MEIS2: variants seen among roughly 807,000 people sequenced by gnomAD.
MEIS2 encodes homeobox protein Meis2.
MEIS2 carries 9 observed loss-of-function variants against 58.6 expected under a neutral mutation model. The ratio of observed to expected loss-of-function variants is 0.15; its 90% CI spans 0.09 to 0.27. The LOEUF (loss-of-function observed/expected upper bound fraction) is 0.27. Among genes scored for constraint, MEIS2 ranks in the 10% least tolerant of loss-of-function variants. MEIS2 has a pLI of 1.00. For missense variants in MEIS2, 427 were observed against 635.0 expected (o/e 0.67, Z 3.52); for synonymous variants, 221 against 228.4 (o/e 0.97, Z 0.29).
intron 6 of MEIS2, among the ~76,000 whole-genome samples, chr15:37,085,924 GA>G (rs1008964413): frequency 1.3e-5 from 2 of 151,952 alleles, no homozygotes; most frequent in Non-Finnish European, 2.9e-5. Context: ...ATGAGATAAA[GA>G]GCTAGAAGAA....
intron 9 of MEIS2, among the ~76,000 whole-genome samples, chr15:36,931,222 T>C (rs1011660203): frequency 2.6e-5 from 4 of 152,128 alleles, no homozygotes; most frequent in African/African-American, 7.2e-5. Context: ...AAAAAGCCTA[T>C]AGCAGCAAAC....
chr15:36,999,545 T>C (rs1370934053), intron 8 of MEIS2, among the ~76,000 whole-genome samples: 1 of 152,156 alleles, frequency 6.6e-6, no homozygotes, highest in African/African-American at 2.4e-5. Flanking sequence ...CTCCAGCCTA[T>C]GGTAGCAACT....
intron 9 of MEIS2, among the ~76,000 whole-genome samples, chr15:36,945,288 G>T (rs2141373773): frequency 6.6e-6 from 1 of 152,118 alleles, no homozygotes; most frequent in African/African-American, 2.4e-5. Flanking sequence ...CTGGGCTGAT[G>T]GATCCAGGAG....
chr15:37,002,117 G>A (rs2060749626), intron 8 of MEIS2, among the ~76,000 whole-genome samples: 1 of 152,090 alleles, frequency 6.6e-6, no homozygotes, highest in Non-Finnish European at 1.5e-5. Flanking sequence ...TAACCAATGT[G>A]GTCTCTAGTC....
intron 9 of MEIS2, among the ~76,000 whole-genome samples, chr15:36,914,457 T>G (rs2057180841): frequency 6.6e-6 from 1 of 152,220 alleles, no homozygotes; most frequent in South Asian, 2.1e-4. Flanking sequence ...AGTTGGGTAG[T>G]TTTTGCATTT....
chr15:36,980,191 T>A (rs184597528), intron 8 of MEIS2, among the ~76,000 whole-genome samples: 3 of 152,162 alleles, frequency 2.0e-5, no homozygotes, highest in Admixed American at 2.0e-4. Context: ...TCCCCTCAGT[T>A]TGTCATTTTT....
chr15:37,092,692 T>C (rs1370947797), intron 6 of MEIS2, among the ~76,000 whole-genome samples: 1 of 116,432 alleles, frequency 8.6e-6, no homozygotes, highest in Non-Finnish European at 1.7e-5. Context: ...TCTCACTACA[T>C]ATGCTTTTTT....
At chr15:36,908,913 T>TG (rs1326326629) in intron 9 of MEIS2, among the ~76,000 whole-genome samples, 2 of 152,120 alleles carry the variant, frequency 1.3e-5, no homozygotes, top group Non-Finnish European at 1.5e-5. Flanking sequence ...CACTCCAGCC[T>TG]GGGCAACAAG....
At chr15:37,022,187 T>A (rs933629245) in intron 8 of MEIS2, among the ~76,000 whole-genome samples, 1 of 152,190 alleles carries the variant, frequency 6.6e-6, no homozygotes, top group African/African-American at 2.4e-5. Context: ...TTAACACATA[T>A]TACTAGTTTA....
intron 6 of MEIS2, among the ~76,000 whole-genome samples, chr15:37,085,780 C>T (rs976763970): frequency 1.3e-5 from 2 of 152,088 alleles, no homozygotes; most frequent in African/African-American, 4.8e-5. Flanking sequence ...TGTAGAAAGA[C>T]AAAGTCATGC....
intron 7 of MEIS2, among the ~76,000 whole-genome samples, chr15:37,048,721 C>T (rs193247204): frequency 5.4e-4 from 82 of 151,896 alleles, no homozygotes; most frequent in Non-Finnish European, 1.1e-3. Flanking sequence ...AAAAGATAGC[C>T]GTCTCTATAA....
intron 7 of MEIS2, among the ~76,000 whole-genome samples, chr15:37,062,243 G>C (rs771376707): frequency 2.0e-5 from 3 of 152,132 alleles, no homozygotes; most frequent in Non-Finnish European, 4.4e-5. Flanking sequence ...TGATGCCCTT[G>C]GCATAATTTC....
intron 8 of MEIS2, among the ~76,000 whole-genome samples, chr15:36,972,081 T>C (rs2059590029): frequency 6.6e-6 from 1 of 152,184 alleles, no homozygotes; most frequent in Non-Finnish European, 1.5e-5. Context: ...TAAAACTAAC[T>C]TTATTGAAGA....
intron 8 of MEIS2, among the ~76,000 whole-genome samples, chr15:37,024,059 A>G (rs112824114): frequency 0.038 from 5,693 of 151,434 alleles, 372 homozygotes; most frequent in African/African-American, 0.13. Context: ...ATAGGCACCC[A>G]GCTAATTTTT....
chr15:36,982,869 G>GTGGT (rs2059973183), intron 8 of MEIS2, among the ~76,000 whole-genome samples: 2 of 152,058 alleles, frequency 1.3e-5, no homozygotes, highest in South Asian at 4.1e-4. Context: ...GTATCTCATT[G>GTGGT]TGGTTTTGAT....
intron 2 of MEIS2, among the ~76,000 whole-genome samples, 186 bp downstream of exon 2, chr15:37,097,781 C>CG (rs1894466328): frequency 6.6e-6 from 1 of 152,092 alleles, no homozygotes; most frequent in Non-Finnish European, 1.5e-5. Flanking sequence ...GCTAGTTCTT[C>CG]GGGGCTTTGA....
At chr15:37,089,084 C>T (rs367579311) in intron 6 of MEIS2, among the ~76,000 whole-genome samples, 55 of 150,802 alleles carry the variant, frequency 3.6e-4, no homozygotes, top group African/African-American at 1.2e-3. Context: ...CCAGAAACCA[C>T]GCAGCAGCAA....
intron 8 of MEIS2, among the ~76,000 whole-genome samples, chr15:36,973,906 G>C (rs530872269): frequency 2.0e-5 from 3 of 152,108 alleles, no homozygotes; most frequent in East Asian, 3.9e-4. Context: ...TATATGCCTT[G>C]TTGTCTATGG....
At chr15:37,079,784 G>A (rs957517924) in intron 7 of MEIS2, among the ~76,000 whole-genome samples, 4 of 152,178 alleles carry the variant, frequency 2.6e-5, no homozygotes, top group African/African-American at 9.6e-5. Flanking sequence ...GTAGGTGGCA[G>A]AGTTAGGGAG....
Sources: gnomAD v4.1 joint callset for allele counts (sites outside exome capture counted in the v4.1 genomes callset) on GRCh38, gnomAD v4.1.1 for gene constraint, MANE v1.5 for transcripts, NCBI Gene and HGNC (gene_info 2026-07-23, HGNC 2026-07-21) for gene names.